ERC2: variants seen among roughly 807,000 people sequenced by gnomAD.
The protein encoded by ERC2 is ELKS/RAB6-interacting/CAST family member 2.
In ERC2, 42 loss-of-function variants were observed where a neutral mutation model predicts 114.8. That is an observed-to-expected ratio of 0.37 (90% CI 0.29 to 0.47). ERC2 has a LOEUF of 0.47. Ranked by LOEUF, ERC2 falls within the 20% of genes least tolerant of loss-of-function variation. The probability of loss-of-function intolerance (pLI) is 0.99; values close to 1 mark genes in which losing one functional copy is unlikely to be tolerated. For missense variants in ERC2, 939 were observed against 1,150.7 expected, an observed-to-expected ratio of 0.82 and a Z score of 2.66; for synonymous variants, 454 against 425.5, an observed-to-expected ratio of 1.07 and a Z score of -0.82.
rs547892030 is a variant in ERC2, at chr3:56,098,610, A to G, written c.1474-17626T>C. ...ATGAGACTGACTGTTCATACCTCTC[A>G]TAAAGTGCTCTGTTTATCATCTTAG... On this transcript the variant is annotated intron_variant, in intron 6 of 17. Coordinates refer to ENST00000288221, the MANE Select transcript of ERC2 (RefSeq NM_015576.3). Among the ~76,000 whole-genome samples the G allele has an allele frequency of 9.8e-5, 15 of 152,358 alleles. No homozygotes were observed. The South Asian group carries it at 2.7e-3, about 27-fold the overall frequency.
At chr3:55,584,322 T>C (rs2107579706) in intron 17 of ERC2, among the ~76,000 whole-genome samples, 1 of 152,318 alleles carries the variant, frequency 6.6e-6, no homozygotes, top group East Asian at 1.9e-4. Context: ...GGAGCTTTAA[T>C]AAGGACTTAA....
intron 1 of ERC2, among the ~76,000 whole-genome samples, chr3:56,454,507 CA>C (rs1401383911): frequency 2.6e-5 from 4 of 151,966 alleles, no homozygotes; most frequent in Non-Finnish European, 5.9e-5. Context: ...TCATGATAGC[CA>C]AAAGGTGAAA....
intron 13 of ERC2, among the ~76,000 whole-genome samples, chr3:55,909,876 T>C (rs984556510): frequency 6.6e-6 from 1 of 152,184 alleles, no homozygotes; most frequent in Admixed American, 6.5e-5. Flanking sequence ...TGCATCCAAA[T>C]ATCATGGGAT....
At chr3:55,782,004 T>C (rs2069098546) in intron 14 of ERC2, among the ~76,000 whole-genome samples, 1 of 152,130 alleles carries the variant, frequency 6.6e-6, no homozygotes, top group Non-Finnish European at 1.5e-5. Flanking sequence ...GATGGAGTTG[T>C]AGAGAGAAGG....
chr3:56,087,700 C>A (rs751945724), intron 6 of ERC2, among the ~76,000 whole-genome samples: 8 of 152,104 alleles, frequency 5.3e-5, no homozygotes, highest in Admixed American at 2.6e-4. Context: ...AACAGGCTAT[C>A]ACAAAGAAAA....
intron 3 of ERC2, among the ~76,000 whole-genome samples, chr3:56,290,526 T>C (rs1324494622): frequency 6.6e-6 from 1 of 152,180 alleles, no homozygotes; most frequent in Non-Finnish European, 1.5e-5. Flanking sequence ...TTGGTAGAAA[T>C]AGAATGTATT....
intron 14 of ERC2, among the ~76,000 whole-genome samples, chr3:55,864,277 G>C (rs2062195721): frequency 6.7e-6 from 1 of 149,104 alleles, no homozygotes; most frequent in South Asian, 2.1e-4. Flanking sequence ...GTATGTGTGT[G>C]TTTATATGTA....
intron 2 of ERC2, among the ~76,000 whole-genome samples, chr3:56,380,893 T>C (rs913546645): frequency 6.6e-6 from 1 of 152,222 alleles, no homozygotes; most frequent in African/African-American, 2.4e-5. Flanking sequence ...TTTTAAATGA[T>C]AATTGACCAT....
intron 6 of ERC2, among the ~76,000 whole-genome samples, chr3:56,138,428 G>A (rs532535683): frequency 6.6e-6 from 1 of 152,320 alleles, no homozygotes; most frequent in African/African-American, 2.4e-5. Flanking sequence ...TCGAATTGAA[G>A]CATTCAGGTA....
intron 3 of ERC2, among the ~76,000 whole-genome samples, chr3:56,231,585 C>A (rs1400267659): frequency 1.3e-5 from 2 of 152,166 alleles, no homozygotes; most frequent in African/African-American, 4.8e-5. Context: ...TGTAAGTATA[C>A]ACAATGCATT....
At chr3:55,757,047 A>G (rs1303668426) in intron 14 of ERC2, among the ~76,000 whole-genome samples, 5 of 152,116 alleles carry the variant, frequency 3.3e-5, no homozygotes, top group Non-Finnish European at 7.4e-5. Context: ...AAAACACTCC[A>G]TGCTGAACTA....
intron 1 of ERC2, among the ~76,000 whole-genome samples, chr3:56,461,907 T>C (rs1391387408): frequency 6.6e-6 from 1 of 152,192 alleles, no homozygotes; most frequent in Non-Finnish European, 1.5e-5. Flanking sequence ...ATTTTACAAA[T>C]TTAAAAAGTA....
At chr3:56,303,511 C>T (rs943115983) in intron 2 of ERC2, among the ~76,000 whole-genome samples, 5 of 152,136 alleles carry the variant, frequency 3.3e-5, no homozygotes, top group African/African-American at 1.2e-4. Context: ...TCTAGGCTTC[C>T]GGGAGACTGC....
chr3:55,966,685 T>A (rs577338377), intron 12 of ERC2, among the ~76,000 whole-genome samples: 14 of 152,286 alleles, frequency 9.2e-5, no homozygotes, highest in African/African-American at 3.1e-4. Flanking sequence ...TTCATGTCAC[T>A]TTCCTAACTG....
At chr3:55,877,997 C>T (rs964149960) in intron 14 of ERC2, among the ~76,000 whole-genome samples, 2 of 152,156 alleles carry the variant, frequency 1.3e-5, no homozygotes, top group African/African-American at 2.4e-5. Flanking sequence ...ACTGCCTCCT[C>T]TGACTTACCA....
intron 3 of ERC2, among the ~76,000 whole-genome samples, chr3:56,209,378 G>A (rs1199109200): frequency 6.6e-6 from 1 of 152,072 alleles, no homozygotes; most frequent in African/African-American, 2.4e-5. Flanking sequence ...ACTCTCCTTG[G>A]TCACAGTCCT....
In ERC2 at chr3:56,314,458, C is replaced by G. The variant is rs1048290862; in HGVS notation, c.658-18023G>C. Among the ~76,000 whole-genome samples, 9 of 121,626 alleles carry G rather than the reference C, an allele frequency of 7.4e-5. No homozygotes were observed. In the East Asian group the frequency reaches 2.1e-3, roughly 28 times the overall value. The allele number at this position is 121,626 out of a possible 152,430, so 79.8% of individuals were successfully genotyped here. On this transcript the variant is annotated intron_variant, in intron 2 of 17. Transcript: ENST00000288221. ...TTAATATACAAATACAGATTGCAAA[C>G]TGTTCCAGAATGCAGTGCAAACAGG...
chr3:56,119,364 T>C (rs1462820962), intron 6 of ERC2, among the ~76,000 whole-genome samples: 1 of 152,212 alleles, frequency 6.6e-6, no homozygotes, highest in African/African-American at 2.4e-5. Flanking sequence ...GGGTTCAGAT[T>C]ATTATTTAAT....
intron 12 of ERC2, among the ~76,000 whole-genome samples, chr3:55,959,540 C>G (rs1223422161): frequency 6.6e-6 from 1 of 152,184 alleles, no homozygotes; most frequent in African/African-American, 2.4e-5. Flanking sequence ...CTTTCTCATC[C>G]TCCTCAGAAC....
Sources: gnomAD v4.1 joint callset for allele counts (sites outside exome capture counted in the v4.1 genomes callset) on GRCh38, gnomAD v4.1.1 for gene constraint, MANE v1.5 for transcripts, NCBI Gene and HGNC (gene_info 2026-07-23, HGNC 2026-07-21) for gene names.